CENATAC: variants seen among roughly 807,000 people sequenced by gnomAD.
The protein encoded by CENATAC is coiled-coil domain containing 84.
CENATAC carries 53 observed loss-of-function variants against 53.7 expected under a neutral mutation model. The observed-to-expected ratio is 0.99, with a 90% CI of 0.79 to 1.24. The LOEUF is 1.24. CENATAC is among the 50% of genes most tolerant of loss of function. CENATAC has a pLI of 0.00. For missense variants in CENATAC, 474 were observed against 417.8 expected (o/e 1.13, Z -1.17); for synonymous variants, 156 against 144.6 (o/e 1.08, Z -0.57).
intron 3 of CENATAC, chr11:119,010,230 GT>G (rs1351347310): frequency 1.3e-5 from 2 of 153,924 alleles, no homozygotes; most frequent in Non-Finnish European, 2.9e-5. Context: ...AATGGAAACA[GT>G]AAGACTGTTC....
rs782731595 is a variant in CENATAC, at chr11:118,998,166, C to G, written c.-32C>G. On this transcript the variant is annotated 5_prime_UTR_variant, in exon 1 of 11. Transcript: ENST00000334418. The stretch of plus-strand genomic sequence containing the variant: ...GGCCGCCGGATGGCGTAGGATCGGC[C>G]GCTGGTGGTGGTGATACCGGGTACC... 1.3e-6 allele frequency: 2 copies of G among 1,563,756 alleles called. No homozygotes were observed. The highest frequency in any genetic ancestry group is 1.7e-6 in the Non-Finnish European group (2 of 1,157,806).
intron 3 of CENATAC, 38 bp from the exon 4 acceptor site, chr11:119,010,726 G>A (rs370630037): frequency 1.3e-6 from 2 of 1,582,910 alleles, no homozygotes; most frequent in East Asian, 2.2e-5. Flanking sequence ...AACTGGTGGG[G>A]AATGGGTTCT....
At chr11:119,006,293 T>A (rs1404254928) in intron 3 of CENATAC, among the ~76,000 whole-genome samples, 2 of 148,994 alleles carry the variant, frequency 1.3e-5, no homozygotes, top group Non-Finnish European at 3.0e-5. Flanking sequence ...TGGAGTGCAG[T>A]GGTACGATCT....
intron 3 of CENATAC, among the ~76,000 whole-genome samples, chr11:119,002,261 A>G (rs1942343604): frequency 6.7e-6 from 1 of 150,196 alleles, no homozygotes; most frequent in Non-Finnish European, 1.5e-5. Context: ...AACTGATCAC[A>G]TATCAGTTAG....
chr11:119,002,061 T>C (rs1161762343), intron 3 of CENATAC, among the ~76,000 whole-genome samples: 1 of 150,528 alleles, frequency 6.6e-6, no homozygotes, highest in Non-Finnish European at 1.5e-5. Flanking sequence ...CCATCCCTAC[T>C]AAAAATACAA....
chr11:119,004,163 T>C (rs1942460910), intron 3 of CENATAC, among the ~76,000 whole-genome samples: 1 of 152,136 alleles, frequency 6.6e-6, no homozygotes, highest in Non-Finnish European at 1.5e-5. Flanking sequence ...TTTCATTCTT[T>C]ATAGTTTTCT....
chr11:119,011,835 A>C, intron 5 of CENATAC, 104 bp from the exon 6 acceptor site: 2 of 951,062 alleles, frequency 2.1e-6, no homozygotes, highest in Non-Finnish European at 3.3e-6. Flanking sequence ...TCCATATGCT[A>C]ATTTGTTTCC....
Position 119,015,047 on chromosome 11 carries a change from GAA to G in CENATAC, c.771_772del (p.Glu257AspfsTer6). 1 of 1,609,926 alleles carries G rather than the reference GAA, an allele frequency of 6.2e-7. No individual in the cohort carries two copies. Among genetic ancestry groups the G allele is most frequent in the South Asian group, 1.1e-5 (1 of 90,630 alleles). On this transcript the variant is annotated frameshift_variant, in exon 9 of 11. Coordinates refer to ENST00000334418, the MANE Select transcript of CENATAC (RefSeq NM_198489.3). LOFTEE classifies it high-confidence loss of function. ...QDEEYIAGNQ[E>X]IGPSYEEFLK... ...TGAAGAATACATTGCTGGGAACCAA[GAA>G]ATAGGACCATCCTATGAAGAATTTC...
At position 119,013,608 on chromosome 11, in the gene CENATAC, C is replaced by T. The variant is rs1371568662; in HGVS notation, c.715+346C>T. On this transcript the variant is annotated intron_variant, in intron 8 of 10. Coordinates refer to ENST00000334418, the MANE Select transcript of CENATAC (RefSeq NM_198489.3). ...CCTCCCAAGTAGCTGGGACTACAGG[C>T]GCCCGCCACTACGCCCAGCTAATTT... 3.3e-5 allele frequency among the ~76,000 whole-genome samples: 5 copies of T among 151,482 alleles called. No homozygotes were observed. The East Asian group carries it at 5.8e-4, about 18-fold the overall frequency.
At chr11:118,998,392 G>A (rs1444859479) in intron 1 of CENATAC, 38 bp from the exon 2 acceptor site, 1 of 1,612,060 alleles carries the variant, frequency 6.2e-7, no homozygotes, top group African/African-American at 1.3e-5. Flanking sequence ...GTGATTTGGG[G>A]GTCCCCCTCG....
chr11:119,002,871 C>T lies in CENATAC; in HGVS notation c.383+3762C>T, dbSNP rs550782779. 21 of 301,280 alleles carry T rather than the reference C, an allele frequency of 7.0e-5. No homozygotes were observed. The East Asian group carries it at 1.6e-3, about 23-fold the overall frequency. 18.7% of individuals were successfully genotyped at this position (301,280 alleles called of 1,614,324 possible). A position where few individuals can be genotyped will look rare whatever the true frequency, so the allele number is the denominator to read the frequency against. ...CGTGATCTCGGCTCACTGCAACCTC[C>T]GCCTCACAGGTTCAAGCAATTCTCC... On this transcript the variant is annotated intron_variant, in intron 3 of 10. Transcript: ENST00000334418.
At chr11:119,008,819 G>GC in intron 3 of CENATAC, among the ~76,000 whole-genome samples, 1 of 152,308 alleles carries the variant, frequency 6.6e-6, no homozygotes, top group East Asian at 1.9e-4. Flanking sequence ...AGTGCATTGT[G>GC]CCCCTGGTTT....
At chr11:119,006,620 C>T (rs535115984) in intron 3 of CENATAC, among the ~76,000 whole-genome samples, 42 of 152,332 alleles carry the variant, frequency 2.8e-4, no homozygotes, top group African/African-American at 9.9e-4. Context: ...CCACCCGCCT[C>T]GGCCTCCCAA....
chr11:118,999,865 A>G (rs1942205848), intron 3 of CENATAC, among the ~76,000 whole-genome samples: 1 of 151,770 alleles, frequency 6.6e-6, no homozygotes. Flanking sequence ...GATGGTCTCG[A>G]TCTCCTGACC....
intron 8 of CENATAC, chr11:119,014,257 AATT>A (rs1056666534): frequency 2.6e-5 from 4 of 152,298 alleles, no homozygotes; most frequent in African/African-American, 9.6e-5. Context: ...ATGAAGACAG[AATT>A]ATTGATACGT....
intron 8 of CENATAC, chr11:119,014,688 T>C (rs981035809): frequency 2.9e-5 from 6 of 208,452 alleles, no homozygotes; most frequent in Middle Eastern, 1.5e-3. Flanking sequence ...AATATTTTAA[T>C]GGGGGCAGTG....
At position 119,003,098 on chromosome 11, in the gene CENATAC, T is replaced by C. The variant is rs968822760; in HGVS notation, c.383+3989T>C. The C allele has an allele frequency of 1.1e-5, 6 of 528,976 alleles. No individual in the cohort carries two copies. The African/African-American group carries it at 1.2e-4, about 10-fold the overall frequency. The allele number at this position is 528,976 out of a possible 1,614,324, so 32.8% of individuals were successfully genotyped here. ...TGTTCCTTCTCTCCATCAGGCCGAATCAGGGTGTTGACCTTGGCCACATCA... is the reference window on the plus strand; with the variant it reads ...TGTTCCTTCTCTCCATCAGGCCGAACCAGGGTGTTGACCTTGGCCACATCA... On this transcript the variant is annotated intron_variant, in intron 3 of 10. Coordinates refer to ENST00000334418, the MANE Select transcript of CENATAC (RefSeq NM_198489.3).
At chr11:119,002,019 T>A (rs528187708) in intron 3 of CENATAC, among the ~76,000 whole-genome samples, 17 of 151,756 alleles carry the variant, frequency 1.1e-4, no homozygotes, top group African/African-American at 3.4e-4. Flanking sequence ...AGGTCAGGAG[T>A]TCGAGACCAG....
chr11:118,999,218 A>T, intron 3 of CENATAC, 109 bp downstream of exon 3: 1 of 770,184 alleles, frequency 1.3e-6, no homozygotes, highest in Non-Finnish European at 2.2e-6. Flanking sequence ...CTTACGAAGA[A>T]TCTGCTGTCT....
Sources: gnomAD v4.1 joint callset for allele counts (sites outside exome capture counted in the v4.1 genomes callset) on GRCh38, gnomAD v4.1.1 for gene constraint, MANE v1.5 for transcripts, NCBI Gene and HGNC (gene_info 2026-07-23, HGNC 2026-07-21) for gene names.